DOCK10: variants seen among roughly 807,000 people sequenced by gnomAD.
DOCK10 encodes the protein dedicator of cytokinesis protein 10.
A neutral mutation model predicts 280.1 loss-of-function variants in DOCK10; 145 were observed. That is an observed-to-expected ratio of 0.52 (90% CI 0.45 to 0.59). DOCK10 has a LOEUF of 0.59. Ranked by LOEUF, DOCK10 falls within the 20% of genes least tolerant of loss-of-function variation. DOCK10 has a pLI of 0.00. For missense variants in DOCK10, 2,368 were observed against 2,651.7 expected (o/e 0.89, Z 2.35); for synonymous variants, 915 against 942.2 (o/e 0.97, Z 0.53).
rs564736390 is a variant in DOCK10 at position 225,035,698 on chromosome 2, T to C, written c.123+6554A>G. Among the ~76,000 whole-genome samples, 11 of 150,122 alleles carry C rather than the reference T, an allele frequency of 7.3e-5. No individual in the cohort carries two copies. The East Asian group carries it at 2.0e-3, about 27-fold the overall frequency. The stretch of plus-strand genomic sequence containing the variant: ...TATTAGTCAGTGCGGGCTGCCATAA[T>C]AACATAACATAGTCTGGGTGTCTTT... On this transcript the variant is annotated intron_variant, in intron 1 of 55. Coordinates refer to ENST00000258390, the MANE Select transcript of DOCK10 (RefSeq NM_014689.3).
chr2:224,919,213 G>A (rs1398079210), intron 2 of DOCK10, among the ~76,000 whole-genome samples: 2 of 150,528 alleles, frequency 1.3e-5, no homozygotes, highest in African/African-American at 4.9e-5. Flanking sequence ...GGTGTGTGGT[G>A]TGTATGTGTG....
intron 1 of DOCK10, among the ~76,000 whole-genome samples, chr2:225,016,604 GATACATATATCTAT>G (rs1559962809): frequency 1.6e-4 from 16 of 101,740 alleles, no homozygotes; most frequent in Admixed American, 2.7e-4. Flanking sequence ...TGTGCACATA[GATACATATATCTAT>G]GTGCACATAG....
intron 7 of DOCK10, among the ~76,000 whole-genome samples, chr2:224,880,065 G>C (rs1335854579): frequency 6.6e-6 from 1 of 152,086 alleles, no homozygotes; most frequent in Non-Finnish European, 1.5e-5. Context: ...ACAAAATTTT[G>C]AAATGAAACA....
intron 55 of DOCK10, among the ~76,000 whole-genome samples, chr2:224,768,395 C>A (rs950043905): frequency 6.6e-6 from 1 of 152,138 alleles, no homozygotes; most frequent in African/African-American, 2.4e-5. Flanking sequence ...TTCCTGTGGA[C>A]AGATCTTTTT....
At chr2:224,962,191 T>G (rs545464823) in intron 1 of DOCK10, among the ~76,000 whole-genome samples, 12 of 152,294 alleles carry the variant, frequency 7.9e-5, no homozygotes, top group African/African-American at 2.9e-4. Flanking sequence ...CCAAGATACT[T>G]GTGCCTATCA....
intron 1 of DOCK10, among the ~76,000 whole-genome samples, chr2:224,958,309 G>A (rs374927349): frequency 3.3e-5 from 5 of 152,322 alleles, no homozygotes; most frequent in African/African-American, 1.2e-4. Flanking sequence ...CATGCATTGA[G>A]CATTAGGAGG....
At chr2:225,002,366 T>C (rs1425626857) in intron 1 of DOCK10, among the ~76,000 whole-genome samples, 1 of 152,176 alleles carries the variant, frequency 6.6e-6, no homozygotes, top group East Asian at 1.9e-4. Context: ...TTTCTTCAAG[T>C]TTCCATTACC....
At chr2:224,865,128 C>A in intron 11 of DOCK10, 41 bp from the exon 12 acceptor site, 2 of 1,587,112 alleles carry the variant, frequency 1.3e-6, no homozygotes, top group South Asian at 2.2e-5. Context: ...GATATAAAAT[C>A]ATTATCCATG....
At chr2:224,814,518 G>T (rs924943038) in intron 30 of DOCK10, among the ~76,000 whole-genome samples, 154 bp from the exon 31 acceptor site, 1 of 152,100 alleles carries the variant, frequency 6.6e-6, no homozygotes, top group Admixed American at 6.6e-5. Context: ...AATGTCTTAG[G>T]TTATTTGTTT....
At chr2:224,974,955 A>G (rs1035023042) in intron 1 of DOCK10, among the ~76,000 whole-genome samples, 3 of 149,582 alleles carry the variant, frequency 2.0e-5, no homozygotes, top group African/African-American at 4.9e-5. Context: ...GTTTCTATGT[A>G]TCACCTCCCC....
chr2:224,997,475 G>A (rs1040928060), intron 1 of DOCK10, among the ~76,000 whole-genome samples: 4 of 151,924 alleles, frequency 2.6e-5, no homozygotes, highest in Admixed American at 6.6e-5. Context: ...CAGGTGATCC[G>A]CCCACCTCAG....
At chr2:224,824,932 T>A (rs1694741134) in intron 27 of DOCK10, among the ~76,000 whole-genome samples, 1 of 151,872 alleles carries the variant, frequency 6.6e-6, no homozygotes, top group Admixed American at 6.6e-5. Context: ...AAACAGATAT[T>A]TAATGGAATT....
At chr2:225,000,853 G>A (rs569133229) in intron 1 of DOCK10, among the ~76,000 whole-genome samples, 1 of 152,356 alleles carries the variant, frequency 6.6e-6, no homozygotes, top group Admixed American at 6.5e-5. Flanking sequence ...GCTTACGCCT[G>A]TAATCCCAGC....
At chr2:224,932,206 C>T (rs369666790) in intron 1 of DOCK10, among the ~76,000 whole-genome samples, 7 of 152,120 alleles carry the variant, frequency 4.6e-5, no homozygotes, top group East Asian at 3.9e-4. Context: ...TCTACAGAGA[C>T]AAGCTAGGTC....
intron 19 of DOCK10, among the ~76,000 whole-genome samples, chr2:224,847,988 A>T (rs1211762854): frequency 1.3e-5 from 2 of 152,224 alleles, no homozygotes; most frequent in Non-Finnish European, 2.9e-5. Flanking sequence ...GTCATCACAA[A>T]AGTCCTTATA....
At chr2:224,794,280 C>T (rs1342081704) in intron 45 of DOCK10, among the ~76,000 whole-genome samples, 4 of 152,196 alleles carry the variant, frequency 2.6e-5, no homozygotes, top group South Asian at 2.1e-4. Flanking sequence ...TCCAGAATAG[C>T]GTAGAACTTC....
chr2:224,772,799 A>G (rs951728237), intron 53 of DOCK10, among the ~76,000 whole-genome samples: 7 of 152,226 alleles, frequency 4.6e-5, no homozygotes, highest in African/African-American at 1.7e-4. Context: ...ATTTGTTTCA[A>G]AACAATTTTT....
At position 224,800,220 on chromosome 2, in the gene DOCK10, C is replaced by G. The variant is rs1448332803; in HGVS notation, c.4437G>C (p.Glu1479Asp). 6.2e-7 allele frequency: 1 copy of G among 1,612,078 alleles called. No individual in the cohort carries two copies. The highest frequency in any genetic ancestry group is 2.2e-5 in the East Asian group (1 of 44,812). The change falls in exon 41 of 56, where the codon GAG becomes GAC. Residue 1479 changes from glutamate to aspartate, a missense_variant. Glu to Asp is a conservative substitution (Grantham distance 45). This residue lies in a region of DOCK10 where 1,159 missense variants were observed against 1,400.8 expected (regional missense o/e 0.83). Coordinates refer to ENST00000258390, the MANE Select transcript of DOCK10 (RefSeq NM_014689.3). ...GGCAAACCTCCGTAGCTATATTGGC[C>G]TCAGTGTCTACATGATGCACGATGT... ...EIDIVHHVDT[E>D]ANIATEVCLT...
At chr2:224,855,913 TA>T (rs1697102286) in intron 15 of DOCK10, among the ~76,000 whole-genome samples, 1 of 152,200 alleles carries the variant, frequency 6.6e-6, no homozygotes, top group Non-Finnish European at 1.5e-5. Flanking sequence ...AGGTAATAAG[TA>T]TTCAAAATTC....
Sources: allele counts gnomAD v4.1 joint callset (sites outside exome capture counted in the v4.1 genomes callset), GRCh38; gene constraint gnomAD v4.1.1; regional missense constraint gnomAD v4.1.1; transcripts MANE v1.5; gene names NCBI Gene and HGNC (gene_info 2026-07-23, HGNC 2026-07-21).